Variants in STAT4 observed in about 807,000 individuals in gnomAD.
The protein encoded by STAT4 is signal transducer and activator of transcription 4.
STAT4 carries 42 observed loss-of-function variants against 110.5 expected under a neutral mutation model. The ratio of observed to expected loss-of-function variants is 0.38; its 90% confidence interval spans 0.30 to 0.49. The LOEUF (loss-of-function observed/expected upper bound fraction) is 0.49. Ranked by LOEUF, STAT4 falls within the 20% of genes least tolerant of loss-of-function variation. The pLI, the probability that STAT4 is intolerant of heterozygous loss-of-function variation, is 0.95. For synonymous variants in STAT4, 284 were observed against 302.2 expected (o/e 0.94, Z 0.63); for missense variants, 632 against 887.9 (o/e 0.71, Z 3.66).
intron 3 of STAT4, among the ~76,000 whole-genome samples, chr2:191,102,677 G>T (rs1698176361): frequency 6.6e-6 from 1 of 152,136 alleles, no homozygotes; most frequent in African/African-American, 2.4e-5. Context: ...GTTGTCTGGA[G>T]TAAAAGTTAA....
At chr2:191,100,988 C>T (rs974356795) in intron 3 of STAT4, among the ~76,000 whole-genome samples, 15 of 151,936 alleles carry the variant, frequency 9.9e-5, no homozygotes, top group Middle Eastern at 6.8e-3. Flanking sequence ...TTAACTATGA[C>T]ATTTTTTTTT....
In STAT4 at chr2:191,030,359, A is replaced by G. The variant is rs1467757000; in HGVS notation, c.2221-493T>C. ...AAATTGGGGGTTTGAACCCATTGAC[A>G]GTATTGGTGGATAAGAGCAAATAGC... On this transcript the variant is annotated intron_variant, in intron 23 of 23. Coordinates refer to ENST00000392320, the MANE Select transcript of STAT4 (RefSeq NM_003151.4). The surrounding 1 kb of genome is among the most constrained non-coding windows in gnomAD (Gnocchi z 4.4). Among the ~76,000 whole-genome samples the G allele has an allele frequency of 2.6e-5, 4 of 152,204 alleles. No individual in the cohort carries two copies. The highest frequency in any genetic ancestry group is 5.9e-5 in the Non-Finnish European group (4 of 68,038).
Position 191,031,096 on chromosome 2 carries a change from A to C in STAT4, c.2112-16T>G, listed in dbSNP as rs763149121. On this transcript the variant is annotated splice_polypyrimidine_tract_variant and intron_variant, in intron 22 of 23. Transcript: ENST00000392320. This position sits in a 1 kb window ranked among gnomAD's most constrained non-coding sequence, Gnocchi z 4.8. ...ATCACTTCGGCTTAAAGAGATAACA[A>C]GGTCAATATGGACAAGGATTAAAAA... 9.9e-6 allele frequency: 16 copies of C among 1,610,810 alleles called. 1 individual carries two copies. In the South Asian group the frequency reaches 1.5e-4, roughly 15 times the overall value.
chr2:191,061,482 G>A lies in STAT4; in HGVS notation c.1034+247C>T, dbSNP rs182152070. On this transcript the variant is annotated intron_variant, in intron 10 of 23. Transcript: ENST00000392320. The surrounding 1 kb of genome is among the most constrained non-coding windows in gnomAD (Gnocchi z 6.2). Reference sequence around the variant, plus strand: ...TTCAGCAATTAATTTCATTGTGCCTGATATTATGATTCCATACTTTCAGGC... The same window carrying A: ...TTCAGCAATTAATTTCATTGTGCCTAATATTATGATTCCATACTTTCAGGC... Among the ~76,000 whole-genome samples, 1 of 152,260 alleles carries A rather than the reference G, an allele frequency of 6.6e-6. No homozygotes were observed. The highest frequency in any genetic ancestry group is 1.5e-5 in the Non-Finnish European group (1 of 68,022).
rs1323187192 is a variant in STAT4 at position 191,050,701 on chromosome 2, C to A, written c.1251+3789G>T. 6.6e-6 allele frequency among the ~76,000 whole-genome samples: 1 copy of A among 152,000 alleles called. No individual in the cohort carries two copies. The highest frequency in any genetic ancestry group is 1.9e-4 in the East Asian group (1 of 5,182). ...CTTGATAGAAACAGGCATGAGGGAG[C>A]CAGAGCTCCACATTTCCCCAACCCC... On this transcript the variant is annotated intron_variant, in intron 14 of 23. Coordinates refer to ENST00000392320, the MANE Select transcript of STAT4 (RefSeq NM_003151.4). This position sits in a 1 kb window ranked among gnomAD's most constrained non-coding sequence, Gnocchi z 4.3.
At chr2:191,105,799 C>T (rs1239739785) in intron 3 of STAT4, among the ~76,000 whole-genome samples, 18 of 152,124 alleles carry the variant, frequency 1.2e-4, no homozygotes, top group Admixed American at 1.2e-3. Context: ...GTCAGATGAA[C>T]CTATGAAGTC....
chr2:191,076,146 A>G, intron 4 of STAT4, 81 bp downstream of exon 4: 1 of 1,184,250 alleles, frequency 8.4e-7, no homozygotes, highest in East Asian at 2.3e-5. Context: ...GAGCCACTGT[A>G]CCCTACCAAA....
At chr2:191,036,074 TA>T in intron 17 of STAT4, 89 bp downstream of exon 17, 1 of 1,424,648 alleles carries the variant, frequency 7.0e-7, no homozygotes, top group Non-Finnish European at 9.5e-7. Flanking sequence ...TTATCATCTT[TA>T]TTATTAGTAG....
In STAT4 at chr2:191,039,316, A is replaced by G; in HGVS notation, c.1336-19T>C. The stretch of plus-strand genomic sequence containing the variant: ...AGCTGGTCTGGTTTGGGGGGAAAAA[A>G]GCATAGTTATTACAGGTAGTCCCAC... On this transcript the variant is annotated intron_variant, in intron 15 of 23. Coordinates refer to ENST00000392320, the MANE Select transcript of STAT4 (RefSeq NM_003151.4). The surrounding 1 kb of genome is among the most constrained non-coding windows in gnomAD (Gnocchi z 4.7). 1.2e-6 allele frequency: 2 copies of G among 1,610,046 alleles called. No individual in the cohort carries two copies. The highest frequency in any genetic ancestry group is 1.7e-6 in the Non-Finnish European group (2 of 1,176,304).
At chr2:191,056,497 A>G (rs1323334609) in intron 13 of STAT4, among the ~76,000 whole-genome samples, 1 of 152,194 alleles carries the variant, frequency 6.6e-6, no homozygotes, top group Non-Finnish European at 1.5e-5. Flanking sequence ...GCTTTTAGCC[A>G]GACATGGTTT....
At chr2:191,072,992 G>A (rs937791272) in intron 5 of STAT4, 106 bp downstream of exon 5, 4 of 747,268 alleles carry the variant, frequency 5.4e-6, no homozygotes, top group South Asian at 4.6e-5. Flanking sequence ...TTAACAAATT[G>A]CCCTATGATT....
intron 3 of STAT4, among the ~76,000 whole-genome samples, chr2:191,132,094 G>C (rs1321427700): frequency 6.6e-6 from 1 of 151,680 alleles, no homozygotes; most frequent in South Asian, 2.1e-4. Flanking sequence ...AAATCCTTCT[G>C]TTCTCTTTGA....
rs114655981 is a variant in STAT4 at position 191,142,518 on chromosome 2, T to C, written c.273+4095A>G. 5.0e-3 allele frequency among the ~76,000 whole-genome samples: 758 copies of C among 152,192 alleles called. 6 individuals carry two copies. Among genetic ancestry groups the C allele is most frequent in the African/African-American group, 0.018 (736 of 41,522 alleles). ...TAATGGGTACAAACATACAGTTAAA[T>C]AGAAGGATTAAGTTCTAACATTCTA... is the stretch of plus-strand genomic sequence containing the variant. On this transcript the variant is annotated intron_variant, in intron 3 of 23. Transcript: ENST00000392320. This position sits in a 1 kb window ranked among gnomAD's most constrained non-coding sequence, Gnocchi z 4.1.
intron 14 of STAT4, among the ~76,000 whole-genome samples, chr2:191,044,005 T>A: frequency 1.2e-5 from 1 of 86,032 alleles, no homozygotes; most frequent in African/African-American, 4.7e-5. Flanking sequence ...GGTGGGTGGG[T>A]ACAGAGAGGA....
At chr2:191,127,583 C>T (rs1698916177) in intron 3 of STAT4, among the ~76,000 whole-genome samples, 2 of 152,200 alleles carry the variant, frequency 1.3e-5, no homozygotes, top group African/African-American at 4.8e-5. Context: ...TCACTTTATG[C>T]CTTTGCCAGT....
At chr2:191,126,385 T>G (rs559984228) in intron 3 of STAT4, among the ~76,000 whole-genome samples, 23 of 152,330 alleles carry the variant, frequency 1.5e-4, no homozygotes, top group South Asian at 1.0e-3. Context: ...TTCTAAAAAC[T>G]TAGTTGAAAG....
chr2:191,112,054 T>G lies in STAT4; in HGVS notation c.273+34559A>C, dbSNP rs1458730419. ...AAGGGTGCTGGATATTTTTATTATC[T>G]TGATTGTGATAATGGTTTCATGGGT... On this transcript the variant is annotated intron_variant, in intron 3 of 23. Coordinates refer to ENST00000392320, the MANE Select transcript of STAT4 (RefSeq NM_003151.4). The surrounding 1 kb of genome is among the most constrained non-coding windows in gnomAD (Gnocchi z 4.3). Among the ~76,000 whole-genome samples the G allele has an allele frequency of 6.6e-6, 1 of 152,170 alleles. No homozygotes were observed. Among genetic ancestry groups the G allele is most frequent in the Admixed American group, 6.5e-5 (1 of 15,280 alleles).
chr2:191,096,375 C>A (rs1291604649), intron 3 of STAT4, among the ~76,000 whole-genome samples: 1 of 152,080 alleles, frequency 6.6e-6, no homozygotes, highest in Non-Finnish European at 1.5e-5. Context: ...CCTCAATAAA[C>A]TACTGGCAAA....
chr2:191,054,609 C>T lies in STAT4; in HGVS notation c.1207-75G>A, dbSNP rs146946417. ...CATATTAAGTTGGTCGTACCTGTTG[C>T]GGTCATTTTCTTGGCCACAGTTTTG... On this transcript the variant is annotated intron_variant, in intron 13 of 23. Transcript: ENST00000392320. 405 of 1,353,320 alleles carry T rather than the reference C, an allele frequency of 3.0e-4. 1 individual carries two copies. The highest frequency in any genetic ancestry group is 1.4e-3 in the African/African-American group (96 of 68,356). The allele number at this position is 1,353,320 out of a possible 1,614,324, so 83.8% of individuals were successfully genotyped here.
Sources: gnomAD v4.1 joint callset for allele counts (sites outside exome capture counted in the v4.1 genomes callset) on GRCh38, gnomAD v4.1.1 for gene constraint, Gnocchi (gnomAD v3.1) non-coding constraint, MANE v1.5 for transcripts, NCBI Gene and HGNC (gene_info 2026-07-23, HGNC 2026-07-21) for gene names.